LRMDA: variants seen among roughly 807,000 people sequenced by gnomAD.
The protein encoded by LRMDA is leucine-rich melanocyte differentiation-associated protein.
A neutral mutation model predicts 29.8 loss-of-function variants in LRMDA; 18 were observed. The observed-to-expected ratio is 0.60, with a 90% confidence interval of 0.42 to 0.90. The LOEUF (loss-of-function observed/expected upper bound fraction) is 0.90. LRMDA is among the 40% of genes least tolerant of loss of function. The probability of loss-of-function intolerance (pLI) is 0.00; values close to 1 mark genes in which losing one functional copy is unlikely to be tolerated. For synonymous variants in LRMDA, 125 were observed against 109.4 expected, an observed-to-expected ratio of 1.14 and a Z score of -0.89; for missense variants, 273 against 273.9, an observed-to-expected ratio of 1.00 and a Z score of 0.02.
intron 6 of LRMDA, among the ~76,000 whole-genome samples, chr10:76,531,840 G>T (rs74781150): frequency 0.03 from 4,552 of 152,214 alleles, 169 homozygotes; most frequent in African/African-American, 0.088. Flanking sequence ...CTGGAAAAGT[G>T]TGTGTAGAAT....
chr10:76,298,040 G>T (rs1417074459), intron 5 of LRMDA, among the ~76,000 whole-genome samples: 1 of 152,192 alleles, frequency 6.6e-6, no homozygotes, highest in Non-Finnish European at 1.5e-5. Context: ...ACCTCTCCTT[G>T]TCTTACACAC....
intron 2 of LRMDA, among the ~76,000 whole-genome samples, chr10:75,546,464 AAAG>A (rs767197803): frequency 5.9e-5 from 9 of 152,250 alleles, no homozygotes; most frequent in South Asian, 2.1e-4. Context: ...GCATAGAAAA[AAAG>A]AAGAGAAGAC....
At chr10:76,535,081 C>T (rs915382842) in intron 6 of LRMDA, among the ~76,000 whole-genome samples, 1 of 152,224 alleles carries the variant, frequency 6.6e-6, no homozygotes, top group Admixed American at 6.5e-5. Context: ...CAGGGATACA[C>T]TGCCGTATCC....
intron 6 of LRMDA, among the ~76,000 whole-genome samples, chr10:76,407,382 C>T (rs1841913613): frequency 1.3e-5 from 2 of 152,114 alleles, no homozygotes; most frequent in Admixed American, 1.3e-4. Context: ...GCCTGAGATA[C>T]CCAGAGGAGT....
intron 6 of LRMDA, among the ~76,000 whole-genome samples, chr10:76,525,397 C>G (rs555778468): frequency 6.6e-6 from 1 of 152,268 alleles, no homozygotes; most frequent in East Asian, 1.9e-4. Flanking sequence ...CACTACTGCT[C>G]CTGAAGTCCT....
intron 2 of LRMDA, among the ~76,000 whole-genome samples, chr10:75,816,710 A>C (rs1453901572): frequency 6.6e-6 from 1 of 152,200 alleles, no homozygotes; most frequent in African/African-American, 2.4e-5. Flanking sequence ...TGTTAAAACA[A>C]TGTAAAATAT....
At chr10:76,357,918 T>G (rs1841262527) in intron 6 of LRMDA, among the ~76,000 whole-genome samples, 1 of 152,156 alleles carries the variant, frequency 6.6e-6, no homozygotes, top group African/African-American at 2.4e-5. Flanking sequence ...AAGAAACTCT[T>G]GACTTTGAGG....
chr10:75,807,423 A>G (rs1029243338), intron 2 of LRMDA, among the ~76,000 whole-genome samples: 1 of 152,184 alleles, frequency 6.6e-6, no homozygotes, highest in African/African-American at 2.4e-5. Context: ...AAGGGTCTAA[A>G]ATTCAGTGCT....
chr10:75,604,574 G>A (rs993183313), intron 2 of LRMDA, among the ~76,000 whole-genome samples: 2 of 152,092 alleles, frequency 1.3e-5, no homozygotes, highest in Non-Finnish European at 2.9e-5. Context: ...CAAGTTTATG[G>A]TATTGAGTAT....
intron 2 of LRMDA, among the ~76,000 whole-genome samples, chr10:75,772,870 G>GGGGGGGGGGGGAGGGGT (rs1843262176): frequency 1.2e-5 from 1 of 81,404 alleles, no homozygotes; most frequent in Non-Finnish European, 2.3e-5. Context: ...GGGGTGGGAT[G>GGGGGGGGGGGGAGGGGT]GGGGGGGGCA....
In LRMDA at chr10:76,516,971, A is replaced by G. The variant is rs560190459; in HGVS notation, c.602-40238A>G. 3.9e-5 allele frequency among the ~76,000 whole-genome samples: 6 copies of G among 152,336 alleles called. No individual in the cohort carries two copies. The South Asian group carries it at 8.3e-4, about 21-fold the overall frequency. On this transcript the variant is annotated intron_variant, in intron 6 of 6. Coordinates refer to ENST00000611255, the MANE Select transcript of LRMDA (RefSeq NM_001305581.2). ...AAAAATATTATTGTATATACTTTAA[A>G]ACCCACAGTTAAATAGACTATCATT...
At chr10:75,750,245 CG>C (rs1842940535) in intron 2 of LRMDA, among the ~76,000 whole-genome samples, 1 of 148,622 alleles carries the variant, frequency 6.7e-6, no homozygotes, top group African/African-American at 2.5e-5. Context: ...GGGCGGCTGC[CG>C]GGCGGGGGCT....
intron 2 of LRMDA, among the ~76,000 whole-genome samples, chr10:75,562,189 G>T (rs573395854): frequency 1.1e-4 from 17 of 152,146 alleles, no homozygotes; most frequent in Non-Finnish European, 2.2e-4. Flanking sequence ...GGTCATTCAG[G>T]ACTTGCTTTA....
At chr10:75,582,833 C>T (rs1329908663) in intron 2 of LRMDA, among the ~76,000 whole-genome samples, 2 of 152,138 alleles carry the variant, frequency 1.3e-5, no homozygotes, top group Non-Finnish European at 2.9e-5. Context: ...TGCATATAAG[C>T]ATAGGTTGTT....
chr10:76,520,283 C>T (rs989511857), intron 6 of LRMDA, among the ~76,000 whole-genome samples: 2 of 151,452 alleles, frequency 1.3e-5, no homozygotes, highest in Non-Finnish European at 2.9e-5. Context: ...TTACAAGTTC[C>T]ATGTTGTTTA....
At chr10:76,295,099 G>GT (rs372642994) in intron 5 of LRMDA, among the ~76,000 whole-genome samples, 3 of 152,348 alleles carry the variant, frequency 2.0e-5, no homozygotes, top group African/African-American at 7.2e-5. Flanking sequence ...AAACATTATT[G>GT]TGGGGATGAG....
intron 2 of LRMDA, among the ~76,000 whole-genome samples, chr10:75,622,677 A>G (rs1462600562): frequency 2.0e-5 from 3 of 152,320 alleles, no homozygotes; most frequent in Non-Finnish European, 4.4e-5. Flanking sequence ...CATGATTCCA[A>G]ACTCACTCAC....
chr10:75,608,505 TG>T (rs1217372436), intron 2 of LRMDA, among the ~76,000 whole-genome samples: 1 of 152,066 alleles, frequency 6.6e-6, no homozygotes, highest in Admixed American at 6.5e-5. Context: ...ACACAAAAAA[TG>T]GTAACTATGT....
intron 2 of LRMDA, among the ~76,000 whole-genome samples, chr10:75,660,214 A>T (rs1298916170): frequency 6.6e-6 from 1 of 152,152 alleles, no homozygotes; most frequent in African/African-American, 2.4e-5. Flanking sequence ...ATCTACTCTT[A>T]ACATCTTTTG....
Sources: allele counts gnomAD v4.1 joint callset (sites outside exome capture counted in the v4.1 genomes callset), GRCh38; gene constraint gnomAD v4.1.1; transcripts MANE v1.5; gene names NCBI Gene and HGNC (gene_info 2026-07-23, HGNC 2026-07-21).